The following C19orf25 variants were observed in gnomAD, a reference collection of about 807,000 sequenced individuals.
C19orf25 encodes the protein chromosome 19 open reading frame 25, also known as UPF0449 protein C19orf25.
In C19orf25, 1 loss-of-function variant was observed where a neutral mutation model predicts 3.1. The ratio of observed to expected loss-of-function variants is 0.32; its 90% CI spans 0.12 to 1.54. C19orf25 has a LOEUF of 1.54. Ranked by LOEUF, C19orf25 falls within the 40% of genes most tolerant of loss-of-function variation. The pLI, the probability that C19orf25 is intolerant of heterozygous loss-of-function variation, is 0.38. For missense variants in C19orf25, 196 were observed against 160.4 expected (o/e 1.22, Z -1.20); for synonymous variants, 91 against 74.3 (o/e 1.23, Z -1.16).
chr19:1,478,618 CGGA>C (rs1178928206), intron 2 of C19orf25, 153 bp downstream of exon 2: 5 of 1,427,720 alleles, frequency 3.5e-6, no homozygotes, highest in East Asian at 2.8e-5. Context: ...TCCCACTCTA[CGGA>C]GGAGTAGAGG....
Position 1,475,065 on chromosome 19 carries a change from T to A in C19orf25, c.324A>T (p.Ala108=). The A allele has an allele frequency of 6.2e-7, 1 of 1,602,628 alleles. No homozygotes were observed. The highest frequency in any genetic ancestry group is 1.7e-4 in the Middle Eastern group (1 of 6,052). ...AGGAGGCAGCCTCGGCTGCCGGTAA[T>A]GCTGCCTGCTTCATCTGGGCCACCT... ...EREVAQMKQA[A]LPAAEAASSG The change falls in exon 3 of 3, where the codon GCA becomes GCT. Residue 108 remains alanine, a synonymous_variant. Transcript: ENST00000585675.
intron 2 of C19orf25, 62 bp downstream of exon 2, chr19:1,478,712 C>T: frequency 1.3e-6 from 2 of 1,533,070 alleles, no homozygotes; most frequent in South Asian, 1.2e-5. Flanking sequence ...GTGTGCTTCT[C>T]TCCCGTCCCC....
chr19:1,478,829 C>G lies in C19orf25; in HGVS notation c.75G>C (p.Glu25Asp). The G allele has an allele frequency of 6.3e-7, 1 of 1,595,390 alleles. No individual in the cohort carries two copies. Among genetic ancestry groups the G allele is most frequent in the Non-Finnish European group, 8.5e-7 (1 of 1,172,206 alleles). The change falls in exon 2 of 3, where the codon GAG (glutamate) becomes GAC (aspartate). Residue 25 changes from glutamate to aspartate, a missense_variant. Transcript: ENST00000585675. ...PAPPTVEQILEDVRGAPAEDP... is the reference protein window; with the variant it reads ...PAPPTVEQILDDVRGAPAEDP... ...CCTCTGCCGGCGCACCCCGCACATC[C>G]TCCAGGATCTGCTCCACCGTGGGGG...
Position 1,474,978 on chromosome 19 carries a change from A to G in C19orf25, c.*54T>C, listed in dbSNP as rs1003560987. On this transcript the variant is annotated 3_prime_UTR_variant, in exon 3 of 3. Transcript: ENST00000585675. ...TCTGGGGCCGACGGACCCCCAGGGA[A>G]AGCCTGGGTGCAGGCCACCTTGTGC... 2.6e-6 allele frequency: 4 copies of G among 1,535,868 alleles called. No individual in the cohort carries two copies. The highest frequency in any genetic ancestry group is 3.5e-6 in the Non-Finnish European group (4 of 1,143,834).
rs1364358919 is a variant in C19orf25 at position 1,475,355 on chromosome 19, C to T, written c.131-97G>A. 9.6e-6 allele frequency: 12 copies of T among 1,248,336 alleles called. No homozygotes were observed. The Admixed American group carries it at 2.2e-4, about 23-fold the overall frequency. 77.3% of individuals were successfully genotyped at this position (1,248,336 alleles called of 1,614,324 possible). On this transcript the variant is annotated intron_variant, in intron 2 of 2. Coordinates refer to ENST00000585675, the MANE Select transcript of C19orf25 (RefSeq NM_152482.3). ...CCAAAGGGCAGGGTTCCCTGCAGTCCCCGAGTGAGCTTGCCAGCCGGGGTC... is the reference window on the plus strand; with the variant it reads ...CCAAAGGGCAGGGTTCCCTGCAGTCTCCGAGTGAGCTTGCCAGCCGGGGTC...
chr19:1,478,564 G>T (rs2084229825), intron 2 of C19orf25: 2 of 1,374,598 alleles, frequency 1.5e-6, no homozygotes, highest in Non-Finnish European at 1.9e-6. Context: ...CTGAACCACA[G>T]CGCCCGGCCT....
At position 1,474,870 on chromosome 19, in the gene C19orf25, AGAC is replaced by A. The variant is rs1315709051; in HGVS notation, c.*159_*161del. ...GGGTCCCACCAACTCGGCATGAATG[AGAC>A]GACGGATGAACCGCAGCCCCAGCAT... On this transcript the variant is annotated 3_prime_UTR_variant, in exon 3 of 3. Coordinates refer to ENST00000585675, the MANE Select transcript of C19orf25 (RefSeq NM_152482.3). The A allele has an allele frequency of 3.4e-6, 5 of 1,490,912 alleles. No individual in the cohort carries two copies. Among genetic ancestry groups the A allele is most frequent in the South Asian group, 2.5e-5 (2 of 78,560 alleles). 92.4% of individuals were successfully genotyped at this position (1,490,912 alleles called of 1,614,324 possible).
chr19:1,477,379 A>G (rs967471491), intron 2 of C19orf25, among the ~76,000 whole-genome samples: 1 of 152,228 alleles, frequency 6.6e-6, no homozygotes, highest in Non-Finnish European at 1.5e-5. Flanking sequence ...TCACTTGTCC[A>G]TTAGCAGTGC....
rs1168088156 is a variant in C19orf25, at chr19:1,478,985, T to G, written c.-2-80A>C. The stretch of plus-strand genomic sequence containing the variant: ...GGGCTGCTCCTCCCGCCCAGCGAAC[T>G]CGTACGCACCCGTCGCGGTCCCGCT... On this transcript the variant is annotated intron_variant, in intron 1 of 2. Coordinates refer to ENST00000585675, the MANE Select transcript of C19orf25 (RefSeq NM_152482.3). 13 of 1,447,466 alleles carry G rather than the reference T, an allele frequency of 9.0e-6. No individual in the cohort carries two copies. In the East Asian group the frequency reaches 3.2e-4, roughly 35 times the overall value. The allele number at this position is 1,447,466 out of a possible 1,614,324, so 89.7% of individuals were successfully genotyped here.
In C19orf25 at chr19:1,475,124, G is replaced by C; in HGVS notation, c.265C>G (p.Leu89Val). The C allele has an allele frequency of 6.2e-7, 1 of 1,602,660 alleles. No homozygotes were observed. The highest frequency in any genetic ancestry group is 1.7e-4 in the Middle Eastern group (1 of 6,052). The change falls in exon 3 of 3, where the codon CTC becomes GTC. Residue 89 changes from leucine to valine, a missense_variant. Leu to Val is a conservative substitution (Grantham distance 32). Coordinates refer to ENST00000585675, the MANE Select transcript of C19orf25 (RefSeq NM_152482.3). ...AGNVLRQRCE[L>V]LQRAGEDLER... ...AGGTCCTCGCCGGCTCGCTGCAGGA[G>C]CTCACACCTCTGCCTCAGCACGTTG... is the stretch of plus-strand genomic sequence containing the variant.
intron 2 of C19orf25, chr19:1,475,513 C>G (rs1568192965): frequency 2.1e-6 from 1 of 471,808 alleles, no homozygotes; most frequent in Non-Finnish European, 3.8e-6. Context: ...ACACCCCCAT[C>G]TCTACCAAAA....
At chr19:1,479,009 C>A (rs1217459375) in intron 1 of C19orf25, 104 bp from the exon 2 acceptor site, 3 of 1,420,112 alleles carry the variant, frequency 2.1e-6, no homozygotes, top group South Asian at 3.0e-5. Context: ...CGCGGTCCCG[C>A]TCCCGGGGAA....
chr19:1,478,584 T>C, intron 2 of C19orf25, 190 bp downstream of exon 2: 3 of 1,392,596 alleles, frequency 2.2e-6, no homozygotes, highest in South Asian at 1.6e-5. Flanking sequence ...TCCACCCCTG[T>C]CAGAAGAACC....
At chr19:1,476,034 G>C (rs2084202189) in intron 2 of C19orf25, 1 of 396,102 alleles carries the variant, frequency 2.5e-6, no homozygotes, top group Admixed American at 4.4e-5. Flanking sequence ...CACACTTAGG[G>C]AGGCAGGGGT....
rs1289661106 is a variant in C19orf25 at position 1,474,665 on chromosome 19, A to C, written c.*367T>G. ...CTCGATCCCAACACCTGGACTCAGAAGTGGACAGGCGAGTGCCTGCCCCGG... is the reference window on the plus strand; with the variant it reads ...CTCGATCCCAACACCTGGACTCAGACGTGGACAGGCGAGTGCCTGCCCCGG... On this transcript the variant is annotated 3_prime_UTR_variant, in exon 3 of 3. Transcript: ENST00000585675. The C allele has an allele frequency of 1.4e-6, 1 of 699,540 alleles. No individual in the cohort carries two copies. The highest frequency in any genetic ancestry group is 2.8e-5 in the East Asian group (1 of 35,676). 43.3% of individuals were successfully genotyped at this position (699,540 alleles called of 1,614,324 possible).
At position 1,473,873 on chromosome 19, in the gene C19orf25, C is replaced by G. The variant is rs2084175995; in HGVS notation, c.*1159G>C. The G allele has an allele frequency of 6.6e-6, 1 of 152,348 alleles. No individual in the cohort carries two copies. The highest frequency in any genetic ancestry group is 6.5e-5 in the Admixed American group (1 of 15,290). 9.4% of individuals were successfully genotyped at this position (152,348 alleles called of 1,614,324 possible). ...CAGAAGCATGACCAGTGAGAAGTCCCTAGGGCCCAGGCCGGGCTAGCCAAG... is the reference window on the plus strand; with the variant it reads ...CAGAAGCATGACCAGTGAGAAGTCCGTAGGGCCCAGGCCGGGCTAGCCAAG... On this transcript the variant is annotated 3_prime_UTR_variant, in exon 3 of 3. Transcript: ENST00000585675.
intron 1 of C19orf25, 45 bp from the exon 2 acceptor site, chr19:1,478,950 G>A: frequency 2.0e-6 from 3 of 1,519,028 alleles, no homozygotes; most frequent in Non-Finnish European, 2.6e-6. Flanking sequence ...CCACCTCTCC[G>A]CCCTTGCCCG....
chr19:1,477,858 T>C (rs761646421), intron 2 of C19orf25, among the ~76,000 whole-genome samples: 10 of 152,202 alleles, frequency 6.6e-5, no homozygotes, highest in Admixed American at 5.2e-4. Context: ...ATTATAATTA[T>C]TGAAACAGAG....
intron 2 of C19orf25, among the ~76,000 whole-genome samples, chr19:1,477,851 A>G (rs1215682636): frequency 6.6e-6 from 1 of 152,108 alleles, no homozygotes; most frequent in East Asian, 1.9e-4. Context: ...AATTATTATT[A>G]TAATTATTGA....
Sources: allele counts gnomAD v4.1 joint callset (sites outside exome capture counted in the v4.1 genomes callset), GRCh38; gene constraint gnomAD v4.1.1; transcripts MANE v1.5; gene names NCBI Gene and HGNC (gene_info 2026-07-23, HGNC 2026-07-21).